CALN1: variants seen among roughly 807,000 people sequenced by gnomAD.
The protein encoded by CALN1 is calneuron 1.
A neutral mutation model predicts 30.6 loss-of-function variants in CALN1; 17 were observed. The ratio of observed to expected loss-of-function variants is 0.56; its 90% CI spans 0.38 to 0.83. The LOEUF (loss-of-function observed/expected upper bound fraction) is 0.83. CALN1 is among the 40% of genes least tolerant of loss of function. CALN1 has a pLI of 0.00. For synonymous variants in CALN1, 156 were observed against 131.4 expected (o/e 1.19, Z -1.28); for missense variants, 291 against 354.9 (o/e 0.82, Z 1.45).
At chr7:72,106,531 G>A (rs1807126086) in intron 3 of CALN1, among the ~76,000 whole-genome samples, 1 of 147,426 alleles carries the variant, frequency 6.8e-6, no homozygotes, top group Admixed American at 6.9e-5. Flanking sequence ...AAATGAGAGA[G>A]GAAGAAAAAG....
At chr7:71,974,226 T>C (rs1797988636) in intron 5 of CALN1, among the ~76,000 whole-genome samples, 1 of 152,062 alleles carries the variant, frequency 6.6e-6, no homozygotes. Flanking sequence ...GAGACCAGCC[T>C]GGCCAACATG....
At chr7:71,824,959 T>C (rs904773563) in intron 5 of CALN1, among the ~76,000 whole-genome samples, 1 of 152,160 alleles carries the variant, frequency 6.6e-6, no homozygotes, top group African/African-American at 2.4e-5. Context: ...AGTATAAAAA[T>C]ACAGTCATGT....
intron 2 of CALN1, among the ~76,000 whole-genome samples, chr7:72,348,108 G>C (rs944954341): frequency 6.6e-6 from 1 of 152,140 alleles, no homozygotes; most frequent in South Asian, 2.1e-4. Flanking sequence ...ACAACAGAGC[G>C]AGATTCTGTC....
intron 2 of CALN1, among the ~76,000 whole-genome samples, chr7:72,372,504 A>G (rs2129560386): frequency 6.6e-6 from 1 of 152,290 alleles, no homozygotes; most frequent in Middle Eastern, 3.4e-3. Context: ...AAAGTTTGCT[A>G]AAGTAACTAC....
chr7:71,920,309 T>C (rs529425798), intron 5 of CALN1, among the ~76,000 whole-genome samples: 1 of 151,986 alleles, frequency 6.6e-6, no homozygotes, highest in East Asian at 1.9e-4. Flanking sequence ...TAGTTACTGT[T>C]TGACCTTGGA....
At chr7:71,847,823 GAGA>G (rs1234023683) in intron 5 of CALN1, among the ~76,000 whole-genome samples, 1 of 100,712 alleles carries the variant, frequency 9.9e-6, no homozygotes, top group Non-Finnish European at 1.9e-5. Context: ...GAAGGAGAAG[GAGA>G]AGGAGAAGGA....
chr7:72,358,226 C>T (rs1035385397), intron 2 of CALN1, among the ~76,000 whole-genome samples: 1 of 151,852 alleles, frequency 6.6e-6, no homozygotes, highest in Non-Finnish European at 1.5e-5. Flanking sequence ...AATGCCTGGC[C>T]TCACGTGACC....
chr7:71,843,480 A>G (rs966513447), intron 5 of CALN1, among the ~76,000 whole-genome samples: 2 of 152,142 alleles, frequency 1.3e-5, no homozygotes, highest in African/African-American at 4.8e-5. Context: ...AAAAATAGCC[A>G]GGCATGGTAG....
chr7:72,262,630 T>G (rs1796340140), intron 3 of CALN1, among the ~76,000 whole-genome samples: 2 of 152,198 alleles, frequency 1.3e-5, no homozygotes, highest in South Asian at 4.1e-4. Flanking sequence ...CTGCATTAAT[T>G]CACTTAGGAT....
intron 3 of CALN1, among the ~76,000 whole-genome samples, chr7:72,126,077 G>T (rs1808742661): frequency 6.6e-6 from 1 of 152,148 alleles, no homozygotes; most frequent in African/African-American, 2.4e-5. Context: ...GGGATTACAG[G>T]CGTGAGCCAC....
intron 3 of CALN1, among the ~76,000 whole-genome samples, chr7:72,174,869 T>C (rs2129545671): frequency 6.6e-6 from 1 of 152,248 alleles, no homozygotes; most frequent in African/African-American, 2.4e-5. Flanking sequence ...ATTCAACAAA[T>C]TGCACACTTT....
rs979269913 is a variant in CALN1, at chr7:71,780,226, T to C, written c.*7549A>G. On this transcript the variant is annotated 3_prime_UTR_variant, in exon 7 of 7. Coordinates refer to ENST00000395275, the MANE Select transcript of CALN1 (RefSeq NM_031468.4). ...ATTTTGAGCTAAGAAAGAGAAAATATGCTTTAATTTTCCTTGGAGAGAGTT... is the reference window on the plus strand; with the variant it reads ...ATTTTGAGCTAAGAAAGAGAAAATACGCTTTAATTTTCCTTGGAGAGAGTT... 1 of 152,188 alleles carries C rather than the reference T, an allele frequency of 6.6e-6. No homozygotes were observed. The highest frequency in any genetic ancestry group is 2.4e-5 in the African/African-American group (1 of 41,462). 9.4% of individuals were successfully genotyped at this position (152,188 alleles called of 1,614,324 possible).
chr7:71,941,140 A>G (rs1796107958), intron 5 of CALN1, among the ~76,000 whole-genome samples: 1 of 152,092 alleles, frequency 6.6e-6, no homozygotes, highest in Admixed American at 6.6e-5. Context: ...TGAGGTCAAG[A>G]GCTCAAAACC....
the CALN1 span, among the ~76,000 whole-genome samples, chr7:72,480,236 C>T: frequency 6.6e-6 from 1 of 152,120 alleles, no homozygotes; most frequent in African/African-American, 2.4e-5. Flanking sequence ...CCTAGTTTTC[C>T]GAGAGTACTT....
chr7:71,904,960 A>G (rs1262446457), intron 5 of CALN1, among the ~76,000 whole-genome samples: 2 of 152,004 alleles, frequency 1.3e-5, no homozygotes, highest in Non-Finnish European at 2.9e-5. Flanking sequence ...ATTTATTGAG[A>G]CGGGGTCTTG....
chr7:72,012,364 T>C (rs915842935), intron 5 of CALN1, among the ~76,000 whole-genome samples: 2 of 151,994 alleles, frequency 1.3e-5, no homozygotes, highest in South Asian at 4.1e-4. Flanking sequence ...AATACAAAAA[T>C]TAGCTGGGTG....
chr7:72,099,797 T>C (rs1806514711), intron 4 of CALN1, among the ~76,000 whole-genome samples: 2 of 152,170 alleles, frequency 1.3e-5, no homozygotes, highest in South Asian at 4.1e-4. Context: ...TGCTTTTACG[T>C]GATGGGTCAC....
intron 2 of CALN1, among the ~76,000 whole-genome samples, chr7:72,300,513 C>T (rs1177803292): frequency 1.3e-5 from 2 of 152,076 alleles, no homozygotes; most frequent in Non-Finnish European, 1.5e-5. Context: ...ATCAAAGACG[C>T]TCACTAAAAT....
At chr7:72,171,900 C>T (rs778613682) in intron 3 of CALN1, among the ~76,000 whole-genome samples, 6 of 152,154 alleles carry the variant, frequency 3.9e-5, no homozygotes, top group Non-Finnish European at 7.3e-5. Flanking sequence ...AGTAATGTGT[C>T]GCCATCCCAT....
Sources: allele counts gnomAD v4.1 joint callset (sites outside exome capture counted in the v4.1 genomes callset), GRCh38; gene constraint gnomAD v4.1.1; transcripts MANE v1.5; gene names NCBI Gene and HGNC (gene_info 2026-07-23, HGNC 2026-07-21).